The following ROBO1 variants were observed in gnomAD, a reference collection of about 807,000 sequenced individuals.
The protein encoded by ROBO1 is roundabout homolog 1.
A neutral mutation model predicts 195.9 loss-of-function variants in ROBO1; 149 were observed. That is an observed-to-expected ratio of 0.76 (90% confidence interval 0.67 to 0.87). ROBO1 has a LOEUF of 0.87. ROBO1 is among the 40% of genes least tolerant of loss of function. The pLI is 0.00. For missense variants in ROBO1, 1,933 were observed against 2,068.3 expected (o/e 0.93, Z 1.27); for synonymous variants, 816 against 733.2 (o/e 1.11, Z -1.82).
At chr3:78,882,602 T>C (rs1329387520) in intron 4 of ROBO1, among the ~76,000 whole-genome samples, 1 of 152,174 alleles carries the variant, frequency 6.6e-6, no homozygotes, top group Admixed American at 6.6e-5. Flanking sequence ...CATGTTATCC[T>C]CTTTCCACAT....
intron 1 of ROBO1, among the ~76,000 whole-genome samples, chr3:79,616,005 C>T (rs1027538743): frequency 1.2e-4 from 19 of 152,184 alleles, no homozygotes; most frequent in African/African-American, 2.2e-4. Flanking sequence ...TGCAGTTCCA[C>T]GGAAAGAATA....
At chr3:79,371,394 C>A (rs1328152195) in intron 2 of ROBO1, among the ~76,000 whole-genome samples, 1 of 151,984 alleles carries the variant, frequency 6.6e-6, no homozygotes, top group Non-Finnish European at 1.5e-5. Flanking sequence ...AGATAATGGA[C>A]CCTTTAGAAA....
At chr3:79,564,346 G>A (rs1943022806) in intron 2 of ROBO1, among the ~76,000 whole-genome samples, 1 of 152,002 alleles carries the variant, frequency 6.6e-6, no homozygotes, top group African/African-American at 2.4e-5. Flanking sequence ...TCACTGCACT[G>A]CATGATACTG....
chr3:79,547,872 A>T (rs918649044), intron 2 of ROBO1, among the ~76,000 whole-genome samples: 29 of 152,320 alleles, frequency 1.9e-4, no homozygotes, highest in Non-Finnish European at 7.3e-5. Context: ...GTAAAGTGGA[A>T]TAATAATTAA....
At chr3:79,626,494 A>G (rs1251609589) in intron 1 of ROBO1, among the ~76,000 whole-genome samples, 1 of 152,130 alleles carries the variant, frequency 6.6e-6, no homozygotes, top group East Asian at 1.9e-4. Flanking sequence ...TTGATGGACC[A>G]TATCTCAAAA....
chr3:78,718,355 T>A (rs1390951268), intron 5 of ROBO1, among the ~76,000 whole-genome samples: 2 of 152,184 alleles, frequency 1.3e-5, no homozygotes, highest in African/African-American at 4.8e-5. Context: ...CTCTAATAAC[T>A]TAATTTGCCA....
intron 2 of ROBO1, among the ~76,000 whole-genome samples, chr3:79,541,087 A>G (rs993367653): frequency 1.3e-5 from 2 of 152,148 alleles, no homozygotes; most frequent in African/African-American, 4.8e-5. Context: ...TTAACTTCAT[A>G]CTGATTATAA....
intron 28 of ROBO1, among the ~76,000 whole-genome samples, chr3:78,613,776 G>A (rs986225608): frequency 6.6e-6 from 1 of 152,132 alleles, no homozygotes; most frequent in African/African-American, 2.4e-5. Context: ...TATAATATTA[G>A]GCTTTCATAT....
chr3:79,181,648 A>G (rs997429333), intron 2 of ROBO1, among the ~76,000 whole-genome samples: 3 of 152,180 alleles, frequency 2.0e-5, no homozygotes, highest in Non-Finnish European at 4.4e-5. Context: ...ATTTTACCTT[A>G]ATGTAAGAAA....
intron 22 of ROBO1, among the ~76,000 whole-genome samples, chr3:78,638,719 TTTAAA>T (rs1266193986): frequency 2.0e-5 from 3 of 151,526 alleles, no homozygotes; most frequent in Non-Finnish European, 4.4e-5. Context: ...AAAAAAATTT[TTTAAA>T]TTAGCCAGGC....
At chr3:79,044,462 C>T (rs1341251842) in intron 3 of ROBO1, among the ~76,000 whole-genome samples, 3 of 152,104 alleles carry the variant, frequency 2.0e-5, no homozygotes, top group African/African-American at 7.2e-5. Context: ...ACATGACCTA[C>T]ATTCTAGAAG....
At chr3:79,228,041 CAT>C (rs1418577570) in intron 2 of ROBO1, among the ~76,000 whole-genome samples, 2 of 152,082 alleles carry the variant, frequency 1.3e-5, no homozygotes, top group Non-Finnish European at 2.9e-5. Context: ...GTAAGATTTT[CAT>C]AGACATTTCT....
At chr3:78,824,386 A>G (rs914573317) in intron 4 of ROBO1, among the ~76,000 whole-genome samples, 1 of 151,226 alleles carries the variant, frequency 6.6e-6, no homozygotes, top group South Asian at 2.1e-4. Flanking sequence ...TATTTGATAA[A>G]TAATCATTAA....
chr3:79,175,942 G>A (rs781261538), intron 2 of ROBO1, among the ~76,000 whole-genome samples: 4 of 152,172 alleles, frequency 2.6e-5, no homozygotes, highest in Non-Finnish European at 4.4e-5. Context: ...AACAAAGGAA[G>A]TTCTGGCAAT....
chr3:78,729,284 G>C (rs181894273), intron 5 of ROBO1, among the ~76,000 whole-genome samples: 98 of 151,126 alleles, frequency 6.5e-4, no homozygotes, highest in African/African-American at 2.4e-3. Context: ...CCTGCAGACA[G>C]ACATAGTTAA....
chr3:78,882,458 T>C (rs1366462682), intron 4 of ROBO1, among the ~76,000 whole-genome samples: 1 of 152,138 alleles, frequency 6.6e-6, no homozygotes, highest in East Asian at 1.9e-4. Flanking sequence ...ATCTTCGAGA[T>C]CACACCCTTT....
intron 4 of ROBO1, among the ~76,000 whole-genome samples, chr3:78,926,525 G>A (rs953424266): frequency 1.3e-5 from 2 of 152,102 alleles, no homozygotes; most frequent in African/African-American, 4.8e-5. Flanking sequence ...GATGGATAAT[G>A]GCATCATTAT....
rs554666860 is a variant in ROBO1 at position 79,358,339 on chromosome 3, C to T, written c.88+231485G>A. 4.6e-5 allele frequency among the ~76,000 whole-genome samples: 7 copies of T among 152,028 alleles called. No homozygotes were observed. The East Asian group carries it at 5.8e-4, about 13-fold the overall frequency. On this transcript the variant is annotated intron_variant, in intron 2 of 30. Coordinates refer to ENST00000464233, the MANE Select transcript of ROBO1 (RefSeq NM_002941.4). ...GATTCAGGTTTAAGTGTTAAGTCAT[C>T]GGGGTCCAAAGGAATAAGCAAAGGT...
intron 1 of ROBO1, among the ~76,000 whole-genome samples, chr3:79,662,644 TCAATATC>T (rs2106839225): frequency 6.6e-6 from 1 of 152,252 alleles, no homozygotes; most frequent in Non-Finnish European, 1.5e-5. Flanking sequence ...AGAGACTTCG[TCAATATC>T]ATTTTATGTT....
Sources: allele counts gnomAD v4.1 joint callset (sites outside exome capture counted in the v4.1 genomes callset), GRCh38; gene constraint gnomAD v4.1.1; transcripts MANE v1.5; gene names NCBI Gene and HGNC (gene_info 2026-07-23, HGNC 2026-07-21).